The following GNA13 variants were observed in gnomAD, a reference collection of about 807,000 sequenced individuals.
The protein encoded by GNA13 is G protein subunit alpha 13.
In GNA13, 4 loss-of-function variants were observed where a neutral mutation model predicts 33.5. That is an observed-to-expected ratio of 0.12 (90% CI 0.06 to 0.27). The LOEUF is 0.27. GNA13 is among the 10% of genes least tolerant of loss of function. The probability of loss-of-function intolerance (pLI) is 1.00; values close to 1 mark genes in which losing one functional copy is unlikely to be tolerated. For synonymous variants in GNA13, 176 were observed against 183.8 expected (o/e 0.96, Z 0.34); for missense variants, 319 against 487.2 (o/e 0.65, Z 3.25).
intron 2 of GNA13, among the ~76,000 whole-genome samples, chr17:65,030,124 TC>T (rs1567821292): frequency 6.6e-6 from 1 of 152,058 alleles, no homozygotes; most frequent in Non-Finnish European, 1.5e-5. Context: ...CAAAAAGACA[TC>T]CCATAAAAGT....
intron 2 of GNA13, among the ~76,000 whole-genome samples, chr17:65,025,615 T>A (rs1368414225): frequency 1.3e-5 from 2 of 152,306 alleles, no homozygotes; most frequent in Admixed American, 1.3e-4. Context: ...CTTACAAAAT[T>A]AATTTGCTTC....
At chr17:65,033,340 G>A (rs1907121563) in intron 2 of GNA13, among the ~76,000 whole-genome samples, 1 of 151,572 alleles carries the variant, frequency 6.6e-6, no homozygotes. Context: ...GAAGAAATCA[G>A]CTGGGTGTGG....
At chr17:65,035,260 C>A (rs1166853585) in intron 2 of GNA13, among the ~76,000 whole-genome samples, 1 of 152,030 alleles carries the variant, frequency 6.6e-6, no homozygotes, top group South Asian at 2.1e-4. Flanking sequence ...ACATATATAG[C>A]GGGAAGAATT....
At chr17:65,053,806 T>C in intron 1 of GNA13, 78 bp from the exon 2 acceptor site, 1 of 879,462 alleles carries the variant, frequency 1.1e-6, no homozygotes, top group South Asian at 1.6e-5. Context: ...CCAGTATTAT[T>C]TCCTTATACT....
At chr17:65,036,209 G>A (rs1328251356) in intron 2 of GNA13, among the ~76,000 whole-genome samples, 1 of 152,158 alleles carries the variant, frequency 6.6e-6, no homozygotes, top group African/African-American at 2.4e-5. Flanking sequence ...CAGTCAGGCA[G>A]CAAAGCAAGC....
rs539408171 is a variant in GNA13, at chr17:65,020,960, T to C, written c.511-2657A>G. On this transcript the variant is annotated intron_variant, in intron 2 of 3. Coordinates refer to ENST00000439174, the MANE Select transcript of GNA13 (RefSeq NM_006572.6). ...GCCACCATGACCGGCCTGGAAATTT[T>C]AAAAATAAAATTTCAAAGAAATTTC... Among the ~76,000 whole-genome samples, 24 of 152,282 alleles carry C rather than the reference T, an allele frequency of 1.6e-4. No homozygotes were observed. The Middle Eastern group carries it at 0.01, about 65-fold the overall frequency.
intron 1 of GNA13, chr17:65,055,533 GTTAC>G (rs1207855978): frequency 2.4e-6 from 2 of 841,428 alleles, no homozygotes; most frequent in African/African-American, 3.7e-5. Context: ...CCAGCCCCCA[GTTAC>G]TTAGCGAAAA....
At chr17:65,028,163 T>C (rs186766673) in intron 2 of GNA13, among the ~76,000 whole-genome samples, 1 of 152,164 alleles carries the variant, frequency 6.6e-6, no homozygotes, top group Non-Finnish European at 1.5e-5. Flanking sequence ...GAGGCGGAGC[T>C]TGCAGTGAGC....
intron 2 of GNA13, chr17:65,053,218 G>A (rs551933597): frequency 5.8e-5 from 21 of 364,348 alleles, no homozygotes; most frequent in African/African-American, 3.1e-4. Context: ...GCATACATAT[G>A]AGATATGCTG....
intron 2 of GNA13, among the ~76,000 whole-genome samples, chr17:65,043,437 C>T (rs1433716870): frequency 6.6e-6 from 1 of 152,010 alleles, no homozygotes; most frequent in Non-Finnish European, 1.5e-5. Flanking sequence ...CAGGTGTGCG[C>T]CACCATGCTC....
intron 2 of GNA13, among the ~76,000 whole-genome samples, chr17:65,020,192 C>T (rs1489639583): frequency 6.6e-6 from 1 of 152,050 alleles, no homozygotes; most frequent in Non-Finnish European, 1.5e-5. Flanking sequence ...AGGAAGTTAC[C>T]CTTCAATATT....
chr17:65,055,508 G>A lies in GNA13; in HGVS notation c.283+803C>T, dbSNP rs1436521226. 4 of 521,508 alleles carry A rather than the reference G, an allele frequency of 7.7e-6. No individual in the cohort carries two copies. The South Asian group carries it at 3.3e-4, about 44-fold the overall frequency. The allele number at this position is 521,508 out of a possible 1,614,324, so 32.3% of individuals were successfully genotyped here. A position where few individuals can be genotyped will look rare whatever the true frequency, so the allele number is the denominator to read the frequency against. On this transcript the variant is annotated intron_variant, in intron 1 of 3. Transcript: ENST00000439174. ...TACATTTCATCTAAATAGAAGCAGT[G>A]GTACTCCCTTCCTGCCAGCCCCCAG...
chr17:65,028,828 C>T (rs973345193), intron 2 of GNA13, among the ~76,000 whole-genome samples: 6 of 152,160 alleles, frequency 3.9e-5, no homozygotes, highest in Admixed American at 2.6e-4. Flanking sequence ...ACTTCCCCCA[C>T]CTACACACCT....
Position 65,052,326 on chromosome 17 carries a change from G to C in GNA13, c.510+1176C>G, listed in dbSNP as rs1056635097. On this transcript the variant is annotated intron_variant, in intron 2 of 3. Transcript: ENST00000439174. ...CTGCCACCACACCTGGCTAATTTTT[G>C]TATTTTTAGAAGAGACGGTGTTTCA... is the stretch of plus-strand genomic sequence containing the variant. 3.3e-5 allele frequency: 5 copies of C among 152,180 alleles called. 1 individual carries two copies. Among genetic ancestry groups the C allele is most frequent in the South Asian group, 4.1e-4 (2 of 4,830 alleles). 9.4% of individuals were successfully genotyped at this position (152,180 alleles called of 1,614,324 possible). A position where few individuals can be genotyped will look rare whatever the true frequency, so the allele number is the denominator to read the frequency against.
intron 2 of GNA13, among the ~76,000 whole-genome samples, chr17:65,041,098 G>A (rs1303485870): frequency 6.6e-6 from 1 of 152,060 alleles, no homozygotes; most frequent in Non-Finnish European, 1.5e-5. Flanking sequence ...ATCCTATTTA[G>A]CAGAAAAATA....
rs754282267 is a variant in GNA13, at chr17:65,012,290, CA to C, written c.*1966del. On this transcript the variant is annotated 3_prime_UTR_variant, in exon 4 of 4. Transcript: ENST00000439174. Reference sequence around the variant, plus strand: ...ACTGGAGTCAAATGTTTTGGCCATTCAATTTGCTAAATGTATGGGTAAACTC... The same window carrying C: ...ACTGGAGTCAAATGTTTTGGCCATTCATTTGCTAAATGTATGGGTAAACTC... 2 of 223,250 alleles carry C rather than the reference CA, an allele frequency of 9.0e-6. No individual in the cohort carries two copies. The highest frequency in any genetic ancestry group is 1.8e-5 in the Non-Finnish European group (2 of 111,902). 13.8% of individuals were successfully genotyped at this position (223,250 alleles called of 1,614,324 possible).
intron 2 of GNA13, among the ~76,000 whole-genome samples, chr17:65,033,558 CTGTTTAGTTCAGGAGGAGTAAAA>C (rs955664457): frequency 2.6e-5 from 4 of 151,998 alleles, no homozygotes; most frequent in Admixed American, 6.6e-5. Context: ...TCATGCCTTT[CTGTTTAGTTCAGGAGGAGTAAAA>C]TGTTCAGTTC....
rs147489674 is a variant in GNA13, at chr17:65,013,561, A to C, written c.*696T>G. ...TCGTTACGTTTGACCAAAACACGGTAAACAGCATTAGCTTGCCTTTTGCTC... is the reference window on the plus strand; with the variant it reads ...TCGTTACGTTTGACCAAAACACGGTCAACAGCATTAGCTTGCCTTTTGCTC... On this transcript the variant is annotated 3_prime_UTR_variant, in exon 4 of 4. Transcript: ENST00000439174. 1.5e-4 allele frequency: 32 copies of C among 219,256 alleles called. No homozygotes were observed. The highest frequency in any genetic ancestry group is 7.2e-4 in the African/African-American group (32 of 44,698). 13.6% of individuals were successfully genotyped at this position (219,256 alleles called of 1,614,324 possible). A position where few individuals can be genotyped will look rare whatever the true frequency, so the allele number is the denominator to read the frequency against.
At chr17:65,027,535 T>C (rs535432804) in intron 2 of GNA13, among the ~76,000 whole-genome samples, 1 of 152,238 alleles carries the variant, frequency 6.6e-6, no homozygotes, top group African/African-American at 2.4e-5. Context: ...AGTCATTTTC[T>C]ACCTCATATG....
Sources: allele counts gnomAD v4.1 joint callset (sites outside exome capture counted in the v4.1 genomes callset), GRCh38; gene constraint gnomAD v4.1.1; transcripts MANE v1.5; gene names NCBI Gene and HGNC (gene_info 2026-07-23, HGNC 2026-07-21).